MYT1L: variants seen among roughly 807,000 people sequenced by gnomAD.
MYT1L encodes the protein myelin transcription factor 1 like, also known as myelin transcription factor 1-like protein.
MYT1L carries 12 observed loss-of-function variants against 126.7 expected under a neutral mutation model. The ratio of observed to expected loss-of-function variants is 0.09; its 90% CI spans 0.06 to 0.15. The LOEUF is 0.15. Among genes scored for constraint, MYT1L ranks in the 10% least tolerant of loss-of-function variants. MYT1L has a pLI of 1.00. For synonymous variants in MYT1L, 541 were observed against 604.2 expected, an observed-to-expected ratio of 0.90 and a Z score of 1.53; for missense variants, 979 against 1,585.2, an observed-to-expected ratio of 0.62 and a Z score of 6.49.
rs372440974 is a variant in MYT1L, at chr2:1,956,404, G to GTCTATCTATCTATCTA, written c.153-13086_153-13071dup. On this transcript the variant is annotated intron_variant, in intron 8 of 24. Transcript: ENST00000647738. ...TATTTCCTATTCTTTCTATCTGTCT[G>GTCTATCTATCTATCTA]TCTATCTATCTATCTATCTATCTAT... is the stretch of plus-strand genomic sequence containing the variant. Among the ~76,000 whole-genome samples the GTCTATCTATCTATCTA allele has an allele frequency of 4.4e-3, 359 of 81,696 alleles. 32 individuals carry two copies. The highest frequency in any genetic ancestry group is 6.8e-3 in the Admixed American group (66 of 9,724). 53.6% of individuals were successfully genotyped at this position (81,696 alleles called of 152,430 possible). A position where few individuals can be genotyped will look rare whatever the true frequency, so the allele number is the denominator to read the frequency against.
At chr2:2,053,661 A>C (rs553017967) in intron 4 of MYT1L, among the ~76,000 whole-genome samples, 2 of 152,312 alleles carry the variant, frequency 1.3e-5, no homozygotes, top group East Asian at 3.9e-4. Context: ...GGGGCTTTGT[A>C]CAAGGGAGCT....
At chr2:2,124,094 T>C (rs1273943249) in intron 3 of MYT1L, among the ~76,000 whole-genome samples, 1 of 152,202 alleles carries the variant, frequency 6.6e-6, no homozygotes, top group African/African-American at 2.4e-5. Context: ...CAGAGACTTT[T>C]CCTAAGACTG....
chr2:1,805,479 T>C (rs2035547260), intron 22 of MYT1L, among the ~76,000 whole-genome samples: 1 of 152,172 alleles, frequency 6.6e-6, no homozygotes, highest in Non-Finnish European at 1.5e-5. Context: ...AGGCCGGGCA[T>C]GGTGGCTCAC....
At chr2:2,120,200 G>A (rs2080797973) in intron 3 of MYT1L, among the ~76,000 whole-genome samples, 2 of 152,138 alleles carry the variant, frequency 1.3e-5, no homozygotes, top group Admixed American at 1.3e-4. Context: ...TATGAGGAAT[G>A]GACACTGGTT....
chr2:2,193,519 G>A (rs1287592449), intron 2 of MYT1L, among the ~76,000 whole-genome samples: 1 of 152,160 alleles, frequency 6.6e-6, no homozygotes, highest in Non-Finnish European at 1.5e-5. Context: ...CAAATGTGTA[G>A]GGTTTGTTCT....
intron 18 of MYT1L, among the ~76,000 whole-genome samples, chr2:1,868,258 C>T (rs1236831197): frequency 6.6e-6 from 1 of 152,196 alleles, no homozygotes; most frequent in Non-Finnish European, 1.5e-5. Context: ...CCACCGCGCC[C>T]GGCCTTGGCT....
In MYT1L at chr2:2,059,576, C is replaced by A. The variant is rs746411512; in HGVS notation, c.-303-5453G>T. 1.7e-4 allele frequency among the ~76,000 whole-genome samples: 26 copies of A among 152,168 alleles called. No individual in the cohort carries two copies. Among genetic ancestry groups the A allele is most frequent in the Admixed American group, 5.2e-4 (8 of 15,274 alleles). ...CACAGTCCCTGCCAAAGGCCTTGCA[C>A]CAAAGCACAAACGGACGCAGGACTG... On this transcript the variant is annotated intron_variant, in intron 3 of 24. Transcript: ENST00000647738. This position sits in a 1 kb window ranked among gnomAD's most constrained non-coding sequence, Gnocchi z 4.7.
At chr2:2,143,134 C>T (rs1223546706) in intron 3 of MYT1L, among the ~76,000 whole-genome samples, 1 of 151,044 alleles carries the variant, frequency 6.6e-6, no homozygotes, top group Non-Finnish European at 1.5e-5. Flanking sequence ...ACTAAAAATA[C>T]AAAAAATTAG....
At chr2:2,083,826 C>T (rs538796008) in intron 3 of MYT1L, among the ~76,000 whole-genome samples, 2 of 151,478 alleles carry the variant, frequency 1.3e-5, no homozygotes, top group Admixed American at 1.3e-4. Context: ...ACTGAGAGGG[C>T]TAACAAGGAA....
At chr2:1,958,858 G>A (rs1357976970) in intron 8 of MYT1L, among the ~76,000 whole-genome samples, 1 of 151,928 alleles carries the variant, frequency 6.6e-6, no homozygotes, top group Non-Finnish European at 1.5e-5. Flanking sequence ...GCTATGAGAG[G>A]TGGGGGCTCA....
chr2:2,239,067 C>T (rs1191962849), intron 2 of MYT1L, among the ~76,000 whole-genome samples: 6 of 152,228 alleles, frequency 3.9e-5, no homozygotes, highest in Non-Finnish European at 1.5e-5. Context: ...ATGAAGATAA[C>T]GATAATTCTC....
chr2:1,948,324 C>T (rs867359938), intron 8 of MYT1L, among the ~76,000 whole-genome samples: 36 of 152,196 alleles, frequency 2.4e-4, no homozygotes, highest in Admixed American at 1.5e-3. Context: ...TGAATACAGT[C>T]GTATCCCCAA....
chr2:2,026,720 C>T (rs925770185), intron 4 of MYT1L, among the ~76,000 whole-genome samples: 7 of 152,266 alleles, frequency 4.6e-5, no homozygotes, highest in African/African-American at 2.4e-5. Context: ...GGAACCTCTC[C>T]GTCCAGGGCG....
Position 2,137,090 on chromosome 2 carries a change from T to C in MYT1L, c.-304+35782A>G, listed in dbSNP as rs565072826. Among the ~76,000 whole-genome samples the C allele has an allele frequency of 5.1e-3, 780 of 152,248 alleles. 10 individuals are homozygous for C. The highest frequency in any genetic ancestry group is 0.018 in the African/African-American group (755 of 41,548). On this transcript the variant is annotated intron_variant, in intron 3 of 24. Transcript: ENST00000647738. ...ATCATGAGTGAACTCCCATTCACAA[T>C]TGCTTCAAAGAGAATAAAATACCTA... is the stretch of plus-strand genomic sequence containing the variant.
intron 2 of MYT1L, among the ~76,000 whole-genome samples, chr2:2,176,438 G>A (rs1346770393): frequency 3.3e-5 from 5 of 152,036 alleles, no homozygotes; most frequent in South Asian, 2.1e-4. Context: ...TCCCATACAC[G>A]GACATTCCCA....
chr2:2,204,633 G>C (rs2093237232), intron 2 of MYT1L, among the ~76,000 whole-genome samples: 1 of 149,488 alleles, frequency 6.7e-6, no homozygotes, highest in South Asian at 2.1e-4. Flanking sequence ...AGAGGATGTG[G>C]AGAAATAGGA....
intron 13 of MYT1L, 114 bp from the exon 14 acceptor site, chr2:1,903,408 A>C: frequency 1.2e-6 from 1 of 808,748 alleles, no homozygotes; most frequent in Non-Finnish European, 1.9e-6. Flanking sequence ...AACAATCAGA[A>C]CCTTGCACTA....
intron 19 of MYT1L, among the ~76,000 whole-genome samples, chr2:1,847,322 G>A (rs897889602): frequency 1.3e-5 from 2 of 152,172 alleles, no homozygotes; most frequent in African/African-American, 2.4e-5. Context: ...GAGGCCATTC[G>A]GGAACCGTAG....
chr2:2,001,204 G>T (rs2062342418), intron 4 of MYT1L, among the ~76,000 whole-genome samples: 2 of 140,722 alleles, frequency 1.4e-5, no homozygotes, highest in African/African-American at 5.3e-5. Flanking sequence ...AAATGGATTT[G>T]GATTGTCTAA....
Sources: gnomAD v4.1 joint callset for allele counts (sites outside exome capture counted in the v4.1 genomes callset) on GRCh38, gnomAD v4.1.1 for gene constraint, Gnocchi (gnomAD v3.1) non-coding constraint, MANE v1.5 for transcripts, NCBI Gene and HGNC (gene_info 2026-07-23, HGNC 2026-07-21) for gene names.